The following TPD52L3 variants were observed in gnomAD, a reference collection of about 807,000 sequenced individuals.
TPD52L3 encodes tumor protein D55.
A neutral mutation model predicts 8.7 loss-of-function variants in TPD52L3; 12 were observed. The ratio of observed to expected loss-of-function variants is 1.38; its 90% confidence interval spans 0.89 to 2.24. The LOEUF (loss-of-function observed/expected upper bound fraction) is 2.24, where lower values mean the gene tolerates loss of function less well. TPD52L3 is among the 30% of genes most tolerant of loss of function. The pLI, the probability that TPD52L3 is intolerant of heterozygous loss-of-function variation, is 0.00. For synonymous variants in TPD52L3, 79 were observed against 66.8 expected, an observed-to-expected ratio of 1.18 and a Z score of -0.89; for missense variants, 207 against 158.7, an observed-to-expected ratio of 1.30 and a Z score of -1.64.
intron 1 of TPD52L3, chr9:6,329,436 T>C (rs969519898): frequency 8.6e-6 from 9 of 1,040,494 alleles, no homozygotes; most frequent in African/African-American, 3.4e-5. Context: ...CTGTATCTAA[T>C]GGGCAAGTCA....
chr9:6,329,797 C>A, intron 1 of TPD52L3: 1 of 1,051,832 alleles, frequency 9.5e-7, no homozygotes, highest in Non-Finnish European at 1.2e-6. Flanking sequence ...CTGGACTAAG[C>A]AAAACAACAG....
chr9:6,328,551 G>A lies in TPD52L3; in HGVS notation c.-45G>A, dbSNP rs748866654. On this transcript the variant is annotated 5_prime_UTR_variant, in exon 1 of 2. Coordinates refer to ENST00000314556, the MANE Select transcript of TPD52L3 (RefSeq NM_001001874.3). ...CCAATAATTCGACTCTTTCTACCAA[G>A]AATTGGACCTGGACTCTCTTAACGA... 37 of 1,583,890 alleles carry A rather than the reference G, an allele frequency of 2.3e-5. No individual in the cohort carries two copies. The South Asian group carries it at 4.2e-4, about 18-fold the overall frequency.
chr9:6,330,259 T>A (rs1390556936), intron 1 of TPD52L3: 1 of 1,585,576 alleles, frequency 6.3e-7, no homozygotes, highest in Non-Finnish European at 8.5e-7. Context: ...GGTGCTTGTT[T>A]GAATTTTCTG....
At chr9:6,329,169 C>A in intron 1 of TPD52L3, 4 of 1,457,634 alleles carry the variant, frequency 2.7e-6, no homozygotes. Flanking sequence ...CAGAATGAGC[C>A]CCCTTGGTAA....
At chr9:6,330,364 C>G in intron 1 of TPD52L3, 1 of 1,451,374 alleles carries the variant, frequency 6.9e-7, no homozygotes, top group Admixed American at 2.7e-5. Flanking sequence ...CCTCTAGACA[C>G]ACTGCCTGAG....
intron 1 of TPD52L3, 181 bp downstream of exon 1, chr9:6,329,143 C>T: frequency 6.8e-7 from 1 of 1,478,672 alleles, no homozygotes; most frequent in South Asian, 1.4e-5. Flanking sequence ...GGATGACCAT[C>T]TCCACTTTCT....
chr9:6,330,486 C>T, intron 1 of TPD52L3: 1 of 1,277,516 alleles, frequency 7.8e-7, no homozygotes, highest in Non-Finnish European at 9.9e-7. Context: ...GAGGATGATT[C>T]TGTTTTGTTG....
intron 1 of TPD52L3, 88 bp from the exon 2 acceptor site, chr9:6,330,888 A>T: frequency 6.4e-7 from 1 of 1,573,242 alleles, no homozygotes; most frequent in Non-Finnish European, 8.6e-7. Context: ...CAACAGTAGT[A>T]AGTTTCCCCA....
At position 6,328,812 on chromosome 9, in the gene TPD52L3, A is replaced by G. The variant is rs1250281053; in HGVS notation, c.217A>G (p.Arg73Gly). ...AGGCCTCACCGCCTTGGTAGGGCTG[A>G]GACAGAATCTGTCCAAGAGCTGGCT... ...KLGLTALVGL[R>G]QNLSKSWLDV... Residue 73 changes from arginine (R) to glycine (G), a missense_variant, in exon 1 of 2, where the codon AGA (arginine) becomes GGA (glycine). Arg to Gly is a moderately radical substitution (Grantham distance 125, BLOSUM62 -2). Coordinates refer to ENST00000314556, the MANE Select transcript of TPD52L3 (RefSeq NM_001001874.3). The G allele has an allele frequency of 1.4e-5, 22 of 1,614,114 alleles. No individual in the cohort carries two copies. The highest frequency in any genetic ancestry group is 5.5e-5 in the South Asian group (5 of 91,090).
intron 1 of TPD52L3, 168 bp from the exon 2 acceptor site, chr9:6,330,808 T>C: frequency 7.2e-7 from 1 of 1,389,938 alleles, no homozygotes; most frequent in South Asian, 1.9e-5. Context: ...AAGGCTTGTG[T>C]TAGGGACAAT....
chr9:6,330,211 T>C, intron 1 of TPD52L3: 1 of 1,614,058 alleles, frequency 6.2e-7, no homozygotes, highest in Non-Finnish European at 8.5e-7. Context: ...AAGCAGAATA[T>C]AACCCTCTGG....
At chr9:6,329,542 A>G in intron 1 of TPD52L3, 2 of 1,006,462 alleles carry the variant, frequency 2.0e-6, no homozygotes, top group South Asian at 9.2e-5. Flanking sequence ...AGCTTGAAAG[A>G]GGTATGAAGT....
At chr9:6,329,362 G>A (rs138957663) in intron 1 of TPD52L3, 1 of 1,084,180 alleles carries the variant, frequency 9.2e-7, no homozygotes, top group African/African-American at 1.7e-5. Context: ...CCAAAGTTTT[G>A]TACCTGGTTA....
Position 6,328,395 on chromosome 9 carries a change from A to G in TPD52L3, c.-201A>G. Reference sequence around the variant, plus strand: ...ACTTCACAGGCCAGGTCGTCAACTCAACTGTCAAGGTGTCCATTGTACCAG... The same window carrying G: ...ACTTCACAGGCCAGGTCGTCAACTCGACTGTCAAGGTGTCCATTGTACCAG... On this transcript the variant is annotated 5_prime_UTR_variant, in exon 1 of 2. Coordinates refer to ENST00000314556, the MANE Select transcript of TPD52L3 (RefSeq NM_001001874.3). The G allele has an allele frequency of 1.6e-6, 1 of 610,600 alleles. No individual in the cohort carries two copies. Among genetic ancestry groups the G allele is most frequent in the Non-Finnish European group, 2.8e-6 (1 of 354,024 alleles). The allele number at this position is 610,600 out of a possible 1,614,324, so 37.8% of individuals were successfully genotyped here.
At chr9:6,329,277 G>A in intron 1 of TPD52L3, 2 of 1,270,694 alleles carry the variant, frequency 1.6e-6, no homozygotes, top group South Asian at 2.7e-5. Flanking sequence ...ATGGTAAAGT[G>A]GTTAATTCAG....
At chr9:6,329,563 G>A in intron 1 of TPD52L3, 1 of 1,002,400 alleles carries the variant, frequency 1.0e-6, no homozygotes, top group Non-Finnish European at 1.2e-6. Context: ...AATCTGTAGT[G>A]TTTTTTTGGT....
At chr9:6,329,116 C>A in intron 1 of TPD52L3, 154 bp downstream of exon 1, 1 of 1,523,962 alleles carries the variant, frequency 6.6e-7, no homozygotes. Context: ...TGAGCCACTC[C>A]CAGTTCTGGA....
In TPD52L3 at chr9:6,330,832, C is replaced by A. The variant is rs1004756831; in HGVS notation, c.368-144C>A. On this transcript the variant is annotated intron_variant, in intron 1 of 1. Transcript: ENST00000314556. ...GTTAGGGACAATCTCAGACTATTAT[C>A]ATGGGCCAAACCTGAGAGATGTTAT... The A allele has an allele frequency of 3.5e-6, 5 of 1,435,464 alleles. No homozygotes were observed. The African/African-American group carries it at 7.2e-5, about 21-fold the overall frequency. The allele number at this position is 1,435,464 out of a possible 1,614,324, so 88.9% of individuals were successfully genotyped here.
At chr9:6,329,189 G>A in intron 1 of TPD52L3, 1 of 1,442,660 alleles carries the variant, frequency 6.9e-7, no homozygotes, top group South Asian at 1.5e-5. Context: ...ACCTTGCCTG[G>A]TACTAAACCA....
Sources: allele counts gnomAD v4.1 joint callset, GRCh38; gene constraint gnomAD v4.1.1; transcripts MANE v1.5; gene names NCBI Gene and HGNC (gene_info 2026-07-23, HGNC 2026-07-21).